Variants in BEND5 observed in about 807,000 individuals in gnomAD.
BEND5 encodes BEN domain containing 5.
In BEND5, 22 loss-of-function variants were observed where a neutral mutation model predicts 43.9. That is an observed-to-expected ratio of 0.50 (90% CI 0.36 to 0.72). The LOEUF (loss-of-function observed/expected upper bound fraction) is 0.72. BEND5 is among the 30% of genes least tolerant of loss of function. The pLI is 0.00. For synonymous variants in BEND5, 228 were observed against 225.9 expected, an observed-to-expected ratio of 1.01 and a Z score of -0.08; for missense variants, 428 against 550.6, an observed-to-expected ratio of 0.78 and a Z score of 2.23.
At chr1:48,730,450 G>A (rs766863637) in intron 5 of BEND5, among the ~76,000 whole-genome samples, 9 of 152,142 alleles carry the variant, frequency 5.9e-5, no homozygotes, top group Non-Finnish European at 1.2e-4. Context: ...CCCCCAGCTC[G>A]AAGTCTCTAA....
intron 1 of BEND5, among the ~76,000 whole-genome samples, chr1:48,763,969 A>G (rs1282111940): frequency 6.6e-6 from 1 of 152,140 alleles, no homozygotes; most frequent in Non-Finnish European, 1.5e-5. Context: ...TGACCACATA[A>G]TCCAGTTCCA....
At position 48,736,157 on chromosome 1, in the gene BEND5, G is replaced by A. The variant is rs374674999; in HGVS notation, c.1108+82C>T. The A allele has an allele frequency of 4.8e-5, 71 of 1,465,222 alleles. 1 individual carries two copies. In the East Asian group the frequency reaches 6.1e-4, roughly 13 times the overall value. The allele number at this position is 1,465,222 out of a possible 1,614,324, so 90.8% of individuals were successfully genotyped here. On this transcript the variant is annotated intron_variant, in intron 5 of 5. Coordinates refer to ENST00000371833, the MANE Select transcript of BEND5 (RefSeq NM_024603.4). The surrounding 1 kb of genome is among the most constrained non-coding windows in gnomAD (Gnocchi z 4.0). ...GCATGCAGAAGCTTCATAAGTAATC[G>A]TTGAATTGAATTGTGCCTAACACAT...
At chr1:48,739,634 T>C (rs1359347565) in intron 4 of BEND5, among the ~76,000 whole-genome samples, 1 of 152,186 alleles carries the variant, frequency 6.6e-6, no homozygotes, top group Non-Finnish European at 1.5e-5. Context: ...TCCTGAGCCT[T>C]ACTTTTCTCA....
Position 48,736,120 on chromosome 1 carries a change from G to T in BEND5, c.1108+119C>A. 8.4e-7 allele frequency: 1 copy of T among 1,196,512 alleles called. No individual in the cohort carries two copies. The highest frequency in any genetic ancestry group is 1.2e-6 in the Non-Finnish European group (1 of 825,544). The allele number at this position is 1,196,512 out of a possible 1,614,324, so 74.1% of individuals were successfully genotyped here. On this transcript the variant is annotated intron_variant, in intron 5 of 5. Coordinates refer to ENST00000371833, the MANE Select transcript of BEND5 (RefSeq NM_024603.4). The surrounding 1 kb of genome is among the most constrained non-coding windows in gnomAD (Gnocchi z 4.0). ...TATCCGCTTGGTGTCCCCGGGCTCA[G>T]CCCAGGGTCTGGCATGCAGAAGCTT...
At chr1:48,745,466 G>A (rs1006568022) in intron 3 of BEND5, among the ~76,000 whole-genome samples, 6 of 152,162 alleles carry the variant, frequency 3.9e-5, no homozygotes, top group African/African-American at 1.4e-4. Context: ...GGGGTTGAAA[G>A]AGTCACCTCT....
chr1:48,733,564 T>C (rs1648502302), intron 5 of BEND5, among the ~76,000 whole-genome samples: 1 of 152,166 alleles, frequency 6.6e-6, no homozygotes, highest in Non-Finnish European at 1.5e-5. Context: ...CTCACACAAC[T>C]TGGCAGATGA....
chr1:48,747,846 T>C (rs1397957833), intron 3 of BEND5, among the ~76,000 whole-genome samples: 1 of 152,356 alleles, frequency 6.6e-6, no homozygotes, highest in East Asian at 1.9e-4. Flanking sequence ...TTTTCAAACA[T>C]GTATGTGTTT....
chr1:48,736,491 C>T lies in BEND5; in HGVS notation c.895-39G>A, dbSNP rs773880500. On this transcript the variant is annotated intron_variant, in intron 4 of 5. Transcript: ENST00000371833. This position sits in a 1 kb window ranked among gnomAD's most constrained non-coding sequence, Gnocchi z 4.0. ...GAACACCAGCACCTGTTTAGTCCGA[C>T]AGGAGGGCAGTGGGAGGCTTCTCTT... 1.3e-6 allele frequency: 2 copies of T among 1,573,924 alleles called. No individual in the cohort carries two copies. Among genetic ancestry groups the T allele is most frequent in the Non-Finnish European group, 1.7e-6 (2 of 1,145,326 alleles).
At chr1:48,770,220 T>C (rs1644744709) in intron 1 of BEND5, among the ~76,000 whole-genome samples, 1 of 152,210 alleles carries the variant, frequency 6.6e-6, no homozygotes, top group Non-Finnish European at 1.5e-5. Context: ...CAAAATATCA[T>C]CCCATTCAAA....
chr1:48,757,167 G>A (rs1287097597), intron 3 of BEND5, among the ~76,000 whole-genome samples: 1 of 152,026 alleles, frequency 6.6e-6, no homozygotes, highest in Non-Finnish European at 1.5e-5. Context: ...TCTGTTTTTG[G>A]TGTACTTCCC....
intron 3 of BEND5, among the ~76,000 whole-genome samples, chr1:48,750,010 G>A (rs1298056862): frequency 6.6e-5 from 10 of 152,190 alleles, no homozygotes; most frequent in Admixed American, 5.9e-4. Context: ...GAGTGCCTGA[G>A]GGTAGGAGTT....
chr1:48,761,546 T>A, intron 1 of BEND5, 76 bp from the exon 2 acceptor site: 2 of 1,410,494 alleles, frequency 1.4e-6, no homozygotes, highest in Non-Finnish European at 1.9e-6. Flanking sequence ...GCCCAAAACC[T>A]CAAATGCTAG....
chr1:48,758,577 A>C (rs1356289608), intron 3 of BEND5, among the ~76,000 whole-genome samples: 1 of 152,196 alleles, frequency 6.6e-6, no homozygotes, highest in African/African-American at 2.4e-5. Flanking sequence ...ACCTCCTTGG[A>C]GAGGTTCCCT....
chr1:48,775,250 G>A (rs1645020109), intron 1 of BEND5, among the ~76,000 whole-genome samples: 1 of 152,086 alleles, frequency 6.6e-6, no homozygotes, highest in African/African-American at 2.4e-5. Context: ...TGTCAAAAAG[G>A]GTCCAAGTGC....
At chr1:48,774,482 C>T (rs548598990) in intron 1 of BEND5, among the ~76,000 whole-genome samples, 1 of 152,030 alleles carries the variant, frequency 6.6e-6, no homozygotes, top group Non-Finnish European at 1.5e-5. Context: ...TCTTTTTTTC[C>T]CCTTTCTCCT....
Position 48,728,063 on chromosome 1 carries a change from A to G in BEND5, c.1109-20T>C. On this transcript the variant is annotated intron_variant, in intron 5 of 5. Coordinates refer to ENST00000371833, the MANE Select transcript of BEND5 (RefSeq NM_024603.4). ...AACACTCTAGACGGGGAGAAGAAACAAGGCCAAGGATTAATGGTGAATTCA... is the reference window on the plus strand; with the variant it reads ...AACACTCTAGACGGGGAGAAGAAACGAGGCCAAGGATTAATGGTGAATTCA... 3 of 1,565,678 alleles carry G rather than the reference A, an allele frequency of 1.9e-6. No individual in the cohort carries two copies. Among genetic ancestry groups the G allele is most frequent in the Non-Finnish European group, 2.6e-6 (3 of 1,151,380 alleles).
At chr1:48,746,056 C>T (rs1399785735) in intron 3 of BEND5, among the ~76,000 whole-genome samples, 1 of 152,144 alleles carries the variant, frequency 6.6e-6, no homozygotes, top group Non-Finnish European at 1.5e-5. Flanking sequence ...ACATTCTATC[C>T]TCAAGAGATA....
chr1:48,766,699 C>A (rs539784644), intron 1 of BEND5, among the ~76,000 whole-genome samples: 1 of 152,324 alleles, frequency 6.6e-6, no homozygotes, highest in Non-Finnish European at 1.5e-5. Context: ...TGCCTCCATG[C>A]TTGGCCAGGG....
At chr1:48,774,029 T>G (rs1430291521) in intron 1 of BEND5, among the ~76,000 whole-genome samples, 1 of 152,220 alleles carries the variant, frequency 6.6e-6, no homozygotes, top group African/African-American at 2.4e-5. Context: ...TAAAAAGAAG[T>G]ATACTTCAAG....
Sources: allele counts gnomAD v4.1 joint callset (sites outside exome capture counted in the v4.1 genomes callset), GRCh38; gene constraint gnomAD v4.1.1; non-coding constraint Gnocchi (gnomAD v3.1); transcripts MANE v1.5; gene names NCBI Gene and HGNC (gene_info 2026-07-23, HGNC 2026-07-21).